NPAS3: variants seen among roughly 807,000 people sequenced by gnomAD.
NPAS3 encodes the protein neuronal PAS domain protein 3, also known as neuronal PAS domain-containing protein 3.
Under a neutral mutation model 73.1 loss-of-function variants are expected in NPAS3, and 14 were observed. The observed-to-expected ratio is 0.19, with a 90% confidence interval of 0.13 to 0.30. The LOEUF is 0.30. Among genes scored for constraint, NPAS3 ranks in the 10% least tolerant of loss-of-function variants. NPAS3 has a pLI of 1.00. For missense variants in NPAS3, 1,096 were observed against 1,250.0 expected (o/e 0.88, Z 1.86); for synonymous variants, 620 against 541.5 (o/e 1.14, Z -2.01).
chr14:33,373,236 G>A (rs531431236), intron 4 of NPAS3, among the ~76,000 whole-genome samples: 3 of 152,228 alleles, frequency 2.0e-5, no homozygotes, highest in South Asian at 4.2e-4. Flanking sequence ...TTACATAATT[G>A]TTATATAAAG....
intron 3 of NPAS3, among the ~76,000 whole-genome samples, chr14:33,304,095 G>A (rs2042663824): frequency 1.3e-5 from 2 of 152,124 alleles, no homozygotes; most frequent in Admixed American, 6.5e-5. Flanking sequence ...TTTTAGTAAA[G>A]ACGGGGTTCA....
At chr14:33,015,285 G>A (rs904076401) in intron 1 of NPAS3, among the ~76,000 whole-genome samples, 1 of 152,158 alleles carries the variant, frequency 6.6e-6, no homozygotes, top group South Asian at 2.1e-4. Flanking sequence ...GACCTTCATG[G>A]GTGGCTTGTT....
chr14:33,117,864 G>A (rs1003841322), intron 2 of NPAS3, among the ~76,000 whole-genome samples: 5 of 152,034 alleles, frequency 3.3e-5, no homozygotes, highest in African/African-American at 9.7e-5. Context: ...ACATTTTTGT[G>A]TGTCAGTGAC....
chr14:33,148,059 A>T (rs2044311689), intron 2 of NPAS3, among the ~76,000 whole-genome samples: 1 of 152,060 alleles, frequency 6.6e-6, no homozygotes, highest in East Asian at 1.9e-4. Context: ...GGGAAAGTTC[A>T]CCTTTTATTA....
At chr14:33,340,773 C>T (rs2140309644) in intron 3 of NPAS3, among the ~76,000 whole-genome samples, 1 of 152,250 alleles carries the variant, frequency 6.6e-6, no homozygotes, top group South Asian at 2.1e-4. Flanking sequence ...GATAGTATTC[C>T]TTATATCAAT....
In NPAS3 at chr14:33,200,022, A is replaced by C. The variant is rs191434194; in HGVS notation, c.141-15160A>C. On this transcript the variant is annotated intron_variant, in intron 2 of 11. Coordinates refer to ENST00000356141, the Ensembl canonical transcript of NPAS3. Reference sequence around the variant, plus strand: ...TAATCACTTATTTTGAGGGGACTACATTTGACTCATTGTTAAAGGGCTATT... The same window carrying C: ...TAATCACTTATTTTGAGGGGACTACCTTTGACTCATTGTTAAAGGGCTATT... Among the ~76,000 whole-genome samples, 750 of 151,810 alleles carry C rather than the reference A, an allele frequency of 4.9e-3. 7 individuals carry two copies. Among genetic ancestry groups the C allele is most frequent in the African/African-American group, 0.016 (643 of 41,458 alleles).
chr14:33,413,025 AG>A (rs749015863), intron 4 of NPAS3, among the ~76,000 whole-genome samples: 2 of 152,198 alleles, frequency 1.3e-5, no homozygotes, highest in Non-Finnish European at 1.5e-5. Context: ...AGGGCTTGAA[AG>A]CAAAGGCAGT....
At chr14:33,282,092 G>A (rs922719984) in intron 3 of NPAS3, among the ~76,000 whole-genome samples, 9 of 152,144 alleles carry the variant, frequency 5.9e-5, no homozygotes, top group African/African-American at 2.2e-4. Context: ...AAGCAGTAAT[G>A]CTAAAGCCAG....
At chr14:33,402,671 A>AG (rs774465292) in intron 4 of NPAS3, among the ~76,000 whole-genome samples, 3 of 152,130 alleles carry the variant, frequency 2.0e-5, no homozygotes, top group Non-Finnish European at 4.4e-5. Flanking sequence ...CACCCTCAGG[A>AG]GGGACAGCCA....
chr14:33,433,660 A>G (rs753453788), intron 4 of NPAS3, among the ~76,000 whole-genome samples: 2 of 152,182 alleles, frequency 1.3e-5, no homozygotes, highest in African/African-American at 4.8e-5. Flanking sequence ...CTTCATTTAT[A>G]TGTAGCACAC....
intron 3 of NPAS3, among the ~76,000 whole-genome samples, chr14:33,336,874 A>AT (rs34170337): frequency 0.79 from 120,623 of 152,050 alleles, 48,597 homozygotes; most frequent in African/African-American, 0.94. Context: ...AGCCTTCCTT[A>AT]TATCTTCTTT....
chr14:33,659,239 C>A (rs2140266730), intron 5 of NPAS3, among the ~76,000 whole-genome samples: 1 of 152,176 alleles, frequency 6.6e-6, no homozygotes. Flanking sequence ...TAATTTTGAC[C>A]ACAGGAAGGT....
intron 7 of NPAS3, among the ~76,000 whole-genome samples, chr14:33,752,943 T>G (rs1251947472): frequency 6.6e-6 from 1 of 152,168 alleles, no homozygotes; most frequent in Admixed American, 6.5e-5. Context: ...CAGATACCAA[T>G]GTAATCTTTT....
At chr14:33,301,488 G>A (rs2042545520) in intron 3 of NPAS3, among the ~76,000 whole-genome samples, 1 of 151,742 alleles carries the variant, frequency 6.6e-6, no homozygotes, top group Admixed American at 6.6e-5. Context: ...TAGCCTGTTA[G>A]ACAGAGTGGG....
intron 3 of NPAS3, among the ~76,000 whole-genome samples, chr14:33,251,304 A>G (rs973415681): frequency 1.5e-4 from 23 of 152,152 alleles, no homozygotes; most frequent in African/African-American, 5.5e-4. Context: ...TTAAGGGGTC[A>G]GGTGGGTAAA....
intron 7 of NPAS3, among the ~76,000 whole-genome samples, chr14:33,748,422 T>C (rs2061867274): frequency 6.6e-6 from 1 of 152,214 alleles, no homozygotes; most frequent in African/African-American, 2.4e-5. Context: ...TGTACCCCAC[T>C]TGTACCCAAT....
chr14:33,337,108 C>T (rs896859330), intron 3 of NPAS3, among the ~76,000 whole-genome samples: 10 of 152,038 alleles, frequency 6.6e-5, no homozygotes, highest in Non-Finnish European at 1.5e-4. Flanking sequence ...TCATTTATTT[C>T]TTTTATGGAT....
intron 3 of NPAS3, among the ~76,000 whole-genome samples, chr14:33,325,411 C>T (rs1362607188): frequency 3.3e-5 from 5 of 151,954 alleles, no homozygotes; most frequent in Admixed American, 1.3e-4. Flanking sequence ...TTTGGGAGAC[C>T]GAGGTGGGTG....
chr14:33,329,722 T>A (rs1230232757), intron 3 of NPAS3, among the ~76,000 whole-genome samples: 1 of 152,060 alleles, frequency 6.6e-6, no homozygotes, highest in Non-Finnish European at 1.5e-5. Flanking sequence ...CTAAGTACGA[T>A]GGAGAAGCCC....
Sources: gnomAD v4.1 joint callset for allele counts (sites outside exome capture counted in the v4.1 genomes callset) on GRCh38, gnomAD v4.1.1 for gene constraint, MANE v1.5 for transcripts, NCBI Gene and HGNC (gene_info 2026-07-23, HGNC 2026-07-21) for gene names.